PSMD8: variants seen among roughly 807,000 people sequenced by gnomAD.
PSMD8 encodes proteasome 26S subunit, non-ATPase 8, also known as 26S proteasome non-ATPase regulatory subunit 8.
PSMD8 carries 30 observed loss-of-function variants against 40.0 expected under a neutral mutation model. That is an observed-to-expected ratio of 0.75 (90% CI 0.56 to 1.02). The LOEUF is 1.02. Among genes scored for constraint, PSMD8 ranks in the 50% least tolerant of loss-of-function variants. The pLI, the probability that PSMD8 is intolerant of heterozygous loss-of-function variation, is 0.00. For synonymous variants in PSMD8, 208 were observed against 192.5 expected, an observed-to-expected ratio of 1.08 and a Z score of -0.67; for missense variants, 461 against 463.9, an observed-to-expected ratio of 0.99 and a Z score of 0.06.
intron 4 of PSMD8, among the ~76,000 whole-genome samples, chr19:38,379,905 G>A (rs573281170): frequency 2.6e-5 from 4 of 152,242 alleles, no homozygotes; most frequent in African/African-American, 9.6e-5. Context: ...AGGCTGCAGT[G>A]TGCTATGATC....
Position 38,374,977 on chromosome 19 carries a change from C to G in PSMD8, c.360+16C>G. On this transcript the variant is annotated intron_variant, in intron 1 of 6. Coordinates refer to ENST00000215071, the MANE Select transcript of PSMD8 (RefSeq NM_002812.5). Reference sequence around the variant, plus strand: ...TCGACTCAAGGTAAAGTCGGCAGGCCCAGGAAACCGAGTGTTGCGGGCGTG... The same window carrying G: ...TCGACTCAAGGTAAAGTCGGCAGGCGCAGGAAACCGAGTGTTGCGGGCGTG... 1 of 1,545,746 alleles carries G rather than the reference C, an allele frequency of 6.5e-7. No individual in the cohort carries two copies. Among genetic ancestry groups the G allele is most frequent in the Non-Finnish European group, 8.7e-7 (1 of 1,153,146 alleles).
rs1024384655 is a variant in PSMD8, at chr19:38,383,453, C to T, written c.*63C>T. 2.8e-5 allele frequency: 44 copies of T among 1,598,246 alleles called. No homozygotes were observed. Among genetic ancestry groups the T allele is most frequent in the Non-Finnish European group, 3.3e-5 (39 of 1,168,174 alleles). ...TTAAAACAGTTACACTGCAGGGTTT[C>T]GCCCAATAAAGGTGGACTGACATTC... On this transcript the variant is annotated 3_prime_UTR_variant, in exon 7 of 7. Transcript: ENST00000215071.
chr19:38,383,554 T>TG lies in PSMD8; in HGVS notation c.*168dup, dbSNP rs1427597240. 7.1e-6 allele frequency: 7 copies of TG among 984,590 alleles called. No individual in the cohort carries two copies. The African/African-American group carries it at 1.1e-4, about 16-fold the overall frequency. The allele number at this position is 984,590 out of a possible 1,614,324, so 61.0% of individuals were successfully genotyped here. A position where few individuals can be genotyped will look rare whatever the true frequency, so the allele number is the denominator to read the frequency against. ...TTATATCTGAAGAACTTGGAGGTTTTGGGGCATTCAGGAGTTGGAGATAGC... is the reference window on the plus strand; with the variant it reads ...TTATATCTGAAGAACTTGGAGGTTTTGGGGGCATTCAGGAGTTGGAGATAGC... On this transcript the variant is annotated 3_prime_UTR_variant, in exon 7 of 7. Transcript: ENST00000215071.
intron 3 of PSMD8, 61 bp from the exon 4 acceptor site, chr19:38,379,179 G>A: frequency 2.0e-6 from 3 of 1,533,042 alleles, no homozygotes; most frequent in Non-Finnish European, 2.7e-6. Flanking sequence ...GGAGCCTGGG[G>A]TAGAGGGCTC....
chr19:38,374,627 G>A lies in PSMD8; in HGVS notation c.26G>A (p.Arg9Lys), dbSNP rs761222370. Reference sequence around the variant, plus strand: ...ATGTTCATTAAGGGCAGGGCTCCGAGGGCGCCACCTCGAGAGCGACGGCGG... The same window carrying A: ...ATGTTCATTAAGGGCAGGGCTCCGAAGGCGCCACCTCGAGAGCGACGGCGG... MFIKGRAP[R>K]APPRERRRAT... Residue 9 changes from arginine (R) to lysine (K), a missense_variant, in exon 1 of 7, where the codon AGG (arginine) becomes AAG (lysine). Physicochemically the swap from Arg to Lys is conservative, Grantham distance 26 (BLOSUM62 2). Coordinates refer to ENST00000215071, the MANE Select transcript of PSMD8 (RefSeq NM_002812.5). The A allele has an allele frequency of 6.0e-6, 9 of 1,505,312 alleles. No homozygotes were observed. The East Asian group carries it at 1.5e-4, about 24-fold the overall frequency. 93.2% of individuals were successfully genotyped at this position (1,505,312 alleles called of 1,614,324 possible). A position where few individuals can be genotyped will look rare whatever the true frequency, so the allele number is the denominator to read the frequency against.
rs1970636477 is a variant in PSMD8, at chr19:38,380,995, A to C, written c.799A>C (p.Ile267Leu). Residue 267 changes from isoleucine to leucine, a missense_variant, in exon 5 of 7, where the codon ATC (isoleucine) becomes CTC (leucine). Ile to Leu is a conservative substitution (Grantham distance 5). Around this residue, in one of 2 missense-constraint regions of PSMD8, gnomAD observed 236 missense variants for 321.2 expected, o/e 0.73. Coordinates refer to ENST00000215071, the MANE Select transcript of PSMD8 (RefSeq NM_002812.5). ...TFFIDILLDT[I>L]RDEIAGCIEK... ...CTTCATTGACATCCTGCTCGACACTATCAGGTGCGTAGCGGGGCCGGGCCC... is the reference window on the plus strand; with the variant it reads ...CTTCATTGACATCCTGCTCGACACTCTCAGGTGCGTAGCGGGGCCGGGCCC... 6.4e-7 allele frequency: 1 copy of C among 1,574,734 alleles called. No individual in the cohort carries two copies. Among genetic ancestry groups the C allele is most frequent in the South Asian group, 1.2e-5 (1 of 85,924 alleles).
chr19:38,382,704 C>T (rs905010915), intron 6 of PSMD8: 6 of 212,300 alleles, frequency 2.8e-5, no homozygotes, highest in Admixed American at 2.1e-4. Flanking sequence ...GTCAGGAGTT[C>T]GAGACCAGCC....
In PSMD8 at chr19:38,382,220, G is replaced by T. The variant is rs1331517575; in HGVS notation, c.907G>T (p.Ala303Ser). The change falls in exon 6 of 7, where the codon GCC becomes TCC. Residue 303 changes from alanine to serine, a missense_variant. By Grantham distance (99) the Ala-to-Ser change is moderately conservative (BLOSUM62 1). Coordinates refer to ENST00000215071, the MANE Select transcript of PSMD8 (RefSeq NM_002812.5). The part of the protein sequence containing the change: ...FNTPKKMTDY[A>S]KKRGWVLGPN... The stretch of plus-strand genomic sequence containing the variant: ...CACACCCAAAAAGATGACAGACTAC[G>T]CCAAGAAGGTGGCTGGGGTACAGGG... The T allele has an allele frequency of 1.6e-5, 25 of 1,587,870 alleles. No homozygotes were observed. Among genetic ancestry groups the T allele is most frequent in the Non-Finnish European group, 1.9e-5 (22 of 1,167,582 alleles).
intron 4 of PSMD8, among the ~76,000 whole-genome samples, 191 bp from the exon 5 acceptor site, chr19:38,380,708 G>GTT (rs1491133817): frequency 4.8e-5 from 2 of 41,472 alleles, no homozygotes; most frequent in East Asian, 1.4e-3. Flanking sequence ...GAGAGAGAGA[G>GTT]TGTGTGTGTG....
intron 1 of PSMD8, among the ~76,000 whole-genome samples, chr19:38,375,779 G>T (rs192204180): frequency 6.6e-6 from 1 of 152,272 alleles, no homozygotes; most frequent in African/African-American, 2.4e-5. Context: ...ACTGTGGGGG[G>T]AGATTTGGAC....
rs1568386957 is a variant in PSMD8, at chr19:38,374,871, C to T, written c.270C>T (p.Ala90=). 1.3e-6 allele frequency: 2 copies of T among 1,585,880 alleles called. No homozygotes were observed. The highest frequency in any genetic ancestry group is 1.7e-6 in the Non-Finnish European group (2 of 1,174,060). The change falls in exon 1 of 7, where the codon GCC becomes GCT. Residue 90 remains alanine, a synonymous_variant. Transcript: ENST00000215071. The stretch of plus-strand genomic sequence containing the variant: ...CAACCTCGGGCGCTGTTCTGCAGGC[C>T]GCGACCGGCATGTACGAGCAACTCA... ...PAATSGAVLQ[A]ATGMYEQLKG...
At chr19:38,378,146 G>A (rs893355303) in intron 3 of PSMD8, among the ~76,000 whole-genome samples, 1 of 152,172 alleles carries the variant, frequency 6.6e-6, no homozygotes, top group Non-Finnish European at 1.5e-5. Flanking sequence ...AGGATCACTT[G>A]AGCCCAAGAT....
chr19:38,383,240 T>A lies in PSMD8; in HGVS notation c.916-13T>A. The stretch of plus-strand genomic sequence containing the variant: ...GATCACTCTACTCGTCTCTAATCCC[T>A]CCTTTCCTGCAGCGAGGGTGGGTCC... On this transcript the variant is annotated splice_polypyrimidine_tract_variant and intron_variant, in intron 6 of 6. Transcript: ENST00000215071. 1 of 1,612,262 alleles carries A rather than the reference T, an allele frequency of 6.2e-7. No individual in the cohort carries two copies. The highest frequency in any genetic ancestry group is 8.5e-7 in the Non-Finnish European group (1 of 1,179,854).
At chr19:38,378,063 C>T (rs907711192) in intron 3 of PSMD8, among the ~76,000 whole-genome samples, 6 of 152,224 alleles carry the variant, frequency 3.9e-5, no homozygotes, top group Admixed American at 1.3e-4. Context: ...CCCATCTCTA[C>T]GAAATGGATA....
In PSMD8 at chr19:38,374,791, A is replaced by G. The variant is rs777490017; in HGVS notation, c.190A>G (p.Met64Val). The G allele has an allele frequency of 2.5e-6, 4 of 1,572,566 alleles. No homozygotes were observed. Among genetic ancestry groups the G allele is most frequent in the African/African-American group, 1.3e-5 (1 of 74,180 alleles). Residue 64 changes from methionine (M) to valine (V), a missense_variant, in exon 1 of 7, where the codon ATG becomes GTG. By Grantham distance (21) the Met-to-Val change is conservative. Coordinates refer to ENST00000215071, the MANE Select transcript of PSMD8 (RefSeq NM_002812.5). ...SGGLLAASRK[M>V]AAAAVNGAAG... The stretch of plus-strand genomic sequence containing the variant: ...CGGTCTGCTTGCCGCATCACGCAAG[A>G]TGGCGGCCGCGGCGGTGAACGGGGC...
At chr19:38,376,504 C>A in intron 3 of PSMD8, 50 bp downstream of exon 3, 1 of 1,454,394 alleles carries the variant, frequency 6.9e-7, no homozygotes, top group Non-Finnish European at 9.4e-7. Context: ...ATGGAAGCTC[C>A]TTTATTTCTG....
chr19:38,375,010 C>T, intron 1 of PSMD8, 49 bp downstream of exon 1: 1 of 1,534,226 alleles, frequency 6.5e-7, no homozygotes, highest in Non-Finnish European at 8.7e-7. Flanking sequence ...GTGGGAGGCG[C>T]TACGAGGTGT....
intron 2 of PSMD8, 41 bp from the exon 3 acceptor site, chr19:38,376,311 G>A: frequency 6.5e-7 from 1 of 1,537,790 alleles, no homozygotes; most frequent in Non-Finnish European, 8.8e-7. Flanking sequence ...TTGGGGAAGA[G>A]ACCTCAGTCA....
At chr19:38,381,030 T>G (rs1323317340) in intron 5 of PSMD8, 31 bp downstream of exon 5, 8 of 1,489,058 alleles carry the variant, frequency 5.4e-6, no homozygotes, top group Non-Finnish European at 7.2e-6. Context: ...CTGTGGAGTT[T>G]GGAAAGAACT....
Sources: gnomAD v4.1 joint callset for allele counts (sites outside exome capture counted in the v4.1 genomes callset) on GRCh38, gnomAD v4.1.1 for gene constraint, gnomAD v4.1.1 regional missense constraint, MANE v1.5 for transcripts, NCBI Gene and HGNC (gene_info 2026-07-23, HGNC 2026-07-21) for gene names.